The following RBFOX1 variants were observed in gnomAD, a reference collection of about 807,000 sequenced individuals.
RBFOX1 encodes the protein RNA binding protein fox-1 homolog 1.
In RBFOX1, 8 loss-of-function variants were observed where a neutral mutation model predicts 57.7. The observed-to-expected ratio is 0.14, with a 90% CI of 0.08 to 0.25. The LOEUF (loss-of-function observed/expected upper bound fraction) is 0.25, where lower values mean the gene tolerates loss of function less well. RBFOX1 is among the 10% of genes least tolerant of loss of function. The pLI is 1.00. For missense variants in RBFOX1, 611 were observed against 548.5 expected (o/e 1.11, Z -1.14); for synonymous variants, 326 against 222.4 (o/e 1.47, Z -4.15).
chr16:7,154,885 G>A (rs1398786727), intron 4 of RBFOX1, among the ~76,000 whole-genome samples: 1 of 152,160 alleles, frequency 6.6e-6, no homozygotes, highest in African/African-American at 2.4e-5. Flanking sequence ...TCATAGGTAA[G>A]GAAACTAGGA....
chr16:6,553,013 G>C lies in RBFOX1; in HGVS notation c.-63-101590G>C, dbSNP rs189870713. On this transcript the variant is annotated intron_variant, in intron 2 of 15. Coordinates refer to ENST00000550418, the MANE Select transcript of RBFOX1 (RefSeq NM_018723.4). ...CAGCTGCCCCCTGCAAGTTCTCTGAGGACTGGCTTTTATTATTATTTGTTT... is the reference window on the plus strand; with the variant it reads ...CAGCTGCCCCCTGCAAGTTCTCTGACGACTGGCTTTTATTATTATTTGTTT... Among the ~76,000 whole-genome samples the C allele has an allele frequency of 2.7e-4, 41 of 152,214 alleles. No homozygotes were observed. In the East Asian group the frequency reaches 7.8e-3, roughly 29 times the overall value.
intron 3 of RBFOX1, among the ~76,000 whole-genome samples, chr16:6,887,758 G>C (rs1308022166): frequency 1.3e-5 from 2 of 151,834 alleles, no homozygotes; most frequent in Admixed American, 1.3e-4. Flanking sequence ...TGCCTCCCAG[G>C]TTCAAGTGAT....
chr16:7,145,669 C>G (rs933626770), intron 4 of RBFOX1, among the ~76,000 whole-genome samples: 2 of 152,110 alleles, frequency 1.3e-5, no homozygotes, highest in Non-Finnish European at 2.9e-5. Flanking sequence ...TAGCTGAATT[C>G]TGTTTCATTT....
chr16:7,282,934 A>G (rs1244408551), intron 4 of RBFOX1, among the ~76,000 whole-genome samples: 3 of 152,200 alleles, frequency 2.0e-5, no homozygotes, highest in African/African-American at 7.2e-5. Flanking sequence ...ATGGTTGAGT[A>G]GTCCATCATG....
chr16:5,408,441 G>A (rs996598891), intron 1 of RBFOX1, among the ~76,000 whole-genome samples: 1 of 152,182 alleles, frequency 6.6e-6, no homozygotes, highest in African/African-American at 2.4e-5. Context: ...CTATTCAGAG[G>A]CCTTAAACTG....
intron 2 of RBFOX1, among the ~76,000 whole-genome samples, chr16:6,497,557 T>TTA (rs2095804579): frequency 1.6e-5 from 1 of 64,346 alleles, no homozygotes; most frequent in Admixed American, 1.5e-4. Flanking sequence ...ATTTTTGAAG[T>TTA]TTTTAAAAAA....
chr16:6,637,430 T>TGTAAATG (rs1555636558), intron 2 of RBFOX1, among the ~76,000 whole-genome samples: 380 of 23,504 alleles, frequency 0.016, 25 homozygotes, highest in Non-Finnish European at 0.021. Flanking sequence ...TATAAATATA[T>TGTAAATG]TATATAAATA....
intron 3 of RBFOX1, among the ~76,000 whole-genome samples, chr16:6,662,635 A>G (rs1446957494): frequency 6.6e-6 from 1 of 152,070 alleles, no homozygotes; most frequent in Non-Finnish European, 1.5e-5. Context: ...CATCAAAGAC[A>G]TAATTTGGTG....
intron 1 of RBFOX1, among the ~76,000 whole-genome samples, chr16:6,268,253 C>A (rs76752413): frequency 0.017 from 2,609 of 152,268 alleles, 79 homozygotes; most frequent in African/African-American, 0.057. Flanking sequence ...ATTTACATCT[C>A]TTTATGGGGA....
At chr16:6,061,794 T>G (rs751149227) in intron 1 of RBFOX1, among the ~76,000 whole-genome samples, 23 of 152,124 alleles carry the variant, frequency 1.5e-4, no homozygotes, top group Non-Finnish European at 2.6e-4. Flanking sequence ...GTTTTCCCCA[T>G]CAACAACCAG....
rs151310260 is a variant in RBFOX1, at chr16:5,870,737, A to G, written c.351+3402A>G. The stretch of plus-strand genomic sequence containing the variant: ...TTTATTAATTGAATTTCTAATGGCA[A>G]TTCATCAAAACAAGCGATCACCGTT... On this transcript the variant is annotated intron_variant, in intron 4 of 19. Transcript: ENST00000641259. 6.2e-3 allele frequency among the ~76,000 whole-genome samples: 945 copies of G among 152,062 alleles called. 9 individuals are homozygous for G. Among genetic ancestry groups the G allele is most frequent in the African/African-American group, 0.022 (904 of 41,478 alleles).
chr16:5,386,999 C>T (rs999540770), intron 1 of RBFOX1, among the ~76,000 whole-genome samples: 1 of 152,092 alleles, frequency 6.6e-6, no homozygotes, highest in African/African-American at 2.4e-5. Flanking sequence ...TGCAGTGAGC[C>T]GAGATTGTGC....
intron 4 of RBFOX1, among the ~76,000 whole-genome samples, chr16:5,981,281 T>C (rs1479811860): frequency 1.3e-5 from 2 of 152,168 alleles, no homozygotes; most frequent in African/African-American, 2.4e-5. Context: ...TGGGGTATTA[T>C]GGAGAGCTGG....
chr16:6,005,139 C>T (rs569025071), intron 4 of RBFOX1, among the ~76,000 whole-genome samples: 88 of 152,130 alleles, frequency 5.8e-4, no homozygotes, highest in Non-Finnish European at 1.1e-3. Flanking sequence ...GACACACAGA[C>T]AGTAATAGAT....
chr16:6,001,447 A>T (rs9928219), intron 4 of RBFOX1, among the ~76,000 whole-genome samples: 1 of 152,136 alleles, frequency 6.6e-6, no homozygotes, highest in African/African-American at 2.4e-5. Flanking sequence ...ACTGTGAAGG[A>T]CTTTGCTCGA....
intron 2 of RBFOX1, among the ~76,000 whole-genome samples, chr16:5,499,667 G>C (rs575410161): frequency 1.3e-5 from 2 of 151,928 alleles, no homozygotes; most frequent in African/African-American, 4.8e-5. Context: ...CCATCTCCCG[G>C]GTTCAAGCCA....
intron 4 of RBFOX1, among the ~76,000 whole-genome samples, chr16:7,054,213 C>CGGTGGG (rs1345662627): frequency 5.6e-5 from 1 of 17,828 alleles, no homozygotes; most frequent in African/African-American, 4.6e-4. Context: ...TTTTTTTTTT[C>CGGTGGG]GGGGGGGGGG....
intron 2 of RBFOX1, 120 bp from the exon 3 acceptor site, chr16:6,654,483 T>C (rs986572095): frequency 1.4e-5 from 11 of 765,604 alleles, no homozygotes; most frequent in Non-Finnish European, 2.0e-5. Context: ...AAAGAACTAT[T>C]AGGAGCATGA....
chr16:5,445,150 T>C (rs1045649009), intron 1 of RBFOX1, among the ~76,000 whole-genome samples: 2 of 152,270 alleles, frequency 1.3e-5, no homozygotes, highest in East Asian at 1.9e-4. Flanking sequence ...TTTAGGAAGA[T>C]GTTACAATAC....
Sources: allele counts gnomAD v4.1 joint callset (sites outside exome capture counted in the v4.1 genomes callset), GRCh38; gene constraint gnomAD v4.1.1; transcripts MANE v1.5; gene names NCBI Gene and HGNC (gene_info 2026-07-23, HGNC 2026-07-21).